Variants in C5orf52 observed in about 807,000 individuals in gnomAD.
The protein encoded by C5orf52 is uncharacterized protein C5orf52.
Under a neutral mutation model 16.8 loss-of-function variants are expected in C5orf52, and 15 were observed. The observed-to-expected ratio is 0.89, with a 90% CI of 0.60 to 1.38. The LOEUF (loss-of-function observed/expected upper bound fraction) is 1.38, where lower values mean the gene tolerates loss of function less well. C5orf52 is among the 40% of genes most tolerant of loss of function. The pLI, the probability that C5orf52 is intolerant of heterozygous loss-of-function variation, is 0.00. For missense variants in C5orf52, 206 were observed against 213.1 expected (o/e 0.97, Z 0.21); for synonymous variants, 83 against 87.2 (o/e 0.95, Z 0.27).
rs747898664 is a variant in C5orf52 at position 157,671,869 on chromosome 5, CGCGAG to C, written c.212+45_212+49del. On this transcript the variant is annotated intron_variant, in intron 1 of 2. Transcript: ENST00000409999. ...AGAGCGTTCGTCAGACCCTCGGACC[CGCGAG>C]GGAACCCTAACTCTTTGGGACTCGC... 32 of 1,303,198 alleles carry C rather than the reference CGCGAG, an allele frequency of 2.5e-5. No homozygotes were observed. The East Asian group carries it at 8.0e-4, about 33-fold the overall frequency. The allele number at this position is 1,303,198 out of a possible 1,614,324, so 80.7% of individuals were successfully genotyped here.
chr5:157,677,058 C>T (rs947533882), intron 2 of C5orf52, among the ~76,000 whole-genome samples: 13 of 151,948 alleles, frequency 8.6e-5, no homozygotes, highest in East Asian at 5.8e-4. Context: ...TTAATAGAAA[C>T]GGGGTTTCAC....
At chr5:157,671,170 A>G (rs965835470), upstream of C5orf52, among the ~76,000 whole-genome samples, 1 of 152,074 alleles carries the variant, frequency 6.6e-6, no homozygotes, top group Non-Finnish European at 1.5e-5. Context: ...TTCCATAGCA[A>G]TTGTCTCGTC....
chr5:157,671,448 A>T, upstream of C5orf52: 1 of 615,268 alleles, frequency 1.6e-6, no homozygotes, highest in South Asian at 2.1e-5. Context: ...ACGCATGTCC[A>T]ACAGCCCCCG....
At chr5:157,671,877 A>G (rs1759800486) in intron 1 of C5orf52, 51 bp downstream of exon 1, 9 of 1,252,350 alleles carry the variant, frequency 7.2e-6, no homozygotes, top group Non-Finnish European at 9.8e-6. Flanking sequence ...CCCGCGAGGG[A>G]ACCCTAACTC....
In C5orf52 at chr5:157,675,172, G is replaced by A. The variant is rs545174583; in HGVS notation, c.293G>A (p.Arg98His). ...TCTCGGGTGATTATTCATGATAACCGCATCACACAACGAATCTATGAGATG... is the reference window on the plus strand; with the variant it reads ...TCTCGGGTGATTATTCATGATAACCACATCACACAACGAATCTATGAGATG... ...HLSRVIIHDN[R>H]ITQRIYEMEV... The change falls in exon 2 of 3, where the codon CGC (arginine) becomes CAC (histidine). Residue 98 changes from arginine to histidine, a missense_variant. By Grantham distance (29) the Arg-to-His change is conservative (BLOSUM62 0). Coordinates refer to ENST00000409999, the MANE Select transcript of C5orf52 (RefSeq NM_001145132.2). 7.1e-6 allele frequency: 11 copies of A among 1,549,780 alleles called. 1 individual carries two copies. Among genetic ancestry groups the A allele is most frequent in the East Asian group, 2.4e-5 (1 of 40,916 alleles).
chr5:157,676,860 CCTTTTTTTTT>C (rs1157798947), intron 2 of C5orf52, among the ~76,000 whole-genome samples: 43 of 107,738 alleles, frequency 4.0e-4, no homozygotes, highest in African/African-American at 9.7e-4. Flanking sequence ...TTTTTAATTT[CCTTTTTTTTT>C]CTTTTTTTTT....
chr5:157,677,213 G>A (rs1454441378), intron 2 of C5orf52, among the ~76,000 whole-genome samples: 1 of 152,124 alleles, frequency 6.6e-6, no homozygotes, highest in Non-Finnish European at 1.5e-5. Flanking sequence ...CAGGGACACT[G>A]CTGAATATCC....
chr5:157,675,633 G>A (rs1759879092), intron 2 of C5orf52, among the ~76,000 whole-genome samples: 1 of 152,030 alleles, frequency 6.6e-6, no homozygotes, highest in Non-Finnish European at 1.5e-5. Context: ...GTGAAATCCT[G>A]TCTCTACTAA....
At chr5:157,677,016 G>A (rs1391035465) in intron 2 of C5orf52, among the ~76,000 whole-genome samples, 8 of 151,906 alleles carry the variant, frequency 5.3e-5, no homozygotes, top group African/African-American at 1.9e-4. Context: ...TTACAGGCAC[G>A]TGCCATCATG....
chr5:157,679,699 A>G (rs1759970414), intron 2 of C5orf52, 142 bp from the exon 3 acceptor site: 1 of 722,232 alleles, frequency 1.4e-6, no homozygotes, highest in South Asian at 2.2e-5. Flanking sequence ...CTGTGAGTCA[A>G]AGTATATGGA....
chr5:157,678,723 A>G (rs1432804398), intron 2 of C5orf52, among the ~76,000 whole-genome samples: 1 of 152,140 alleles, frequency 6.6e-6, no homozygotes, highest in Non-Finnish European at 1.5e-5. Flanking sequence ...GGCCCCCCAA[A>G]GTGCTGGGAT....
upstream of C5orf52, among the ~76,000 whole-genome samples, chr5:157,671,069 A>C (rs1451649747): frequency 6.6e-6 from 1 of 152,200 alleles, no homozygotes; most frequent in Non-Finnish European, 1.5e-5. Flanking sequence ...TTCAGGAAGC[A>C]GCCGCTCCGG....
upstream of C5orf52, chr5:157,671,492 G>A: frequency 1.3e-6 from 1 of 764,104 alleles, no homozygotes; most frequent in Non-Finnish European, 2.1e-6. Context: ...TGTCTCCCAG[G>A]CAACGCGCCG....
intron 2 of C5orf52, among the ~76,000 whole-genome samples, chr5:157,677,158 C>T (rs1213737474): frequency 1.3e-5 from 2 of 152,184 alleles, no homozygotes; most frequent in East Asian, 1.9e-4. Context: ...GCATGTTCCA[C>T]CATGCCCAGC....
rs370262157 is a variant in C5orf52 at position 157,680,145 on chromosome 5, C to T, written c.*146C>T. The T allele has an allele frequency of 1.9e-4, 139 of 735,324 alleles. 7 individuals are homozygous for T. The highest frequency in any genetic ancestry group is 1.7e-3 in the South Asian group (83 of 48,744). 45.5% of individuals were successfully genotyped at this position (735,324 alleles called of 1,614,324 possible). On this transcript the variant is annotated 3_prime_UTR_variant, in exon 3 of 3. Transcript: ENST00000409999. ...ACAATAAACAGAAACCAGCAGACAG[C>T]GGAGCATAATAAATCCTCAGCAATC...
intron 2 of C5orf52, among the ~76,000 whole-genome samples, chr5:157,676,871 C>CTTTT (rs35620575): frequency 0.013 from 1,255 of 97,100 alleles, 17 homozygotes; most frequent in Non-Finnish European, 0.019. Context: ...CTTTTTTTTT[C>CTTTT]TTTTTTTTTT....
intron 2 of C5orf52, among the ~76,000 whole-genome samples, chr5:157,677,473 C>T (rs1189321523): frequency 5.3e-5 from 8 of 151,600 alleles, no homozygotes; most frequent in African/African-American, 4.8e-5. Context: ...CTGACCAACA[C>T]GGAGAAACCC....
upstream of C5orf52, chr5:157,671,370 C>G (rs1327255055): frequency 8.3e-5 from 44 of 531,718 alleles, no homozygotes; most frequent in East Asian, 1.4e-3. Context: ...TTCACAGCAA[C>G]GCGCCGGGTC....
At position 157,678,300 on chromosome 5, in the gene C5orf52, G is replaced by T. The variant is rs141234211; in HGVS notation, c.322-1541G>T. Among the ~76,000 whole-genome samples the T allele has an allele frequency of 5.3e-5, 8 of 152,222 alleles. No homozygotes were observed. In the East Asian group the frequency reaches 1.5e-3, roughly 29 times the overall value. On this transcript the variant is annotated intron_variant, in intron 2 of 2. Transcript: ENST00000409999. ...AGTCCTTTGCTTAACCTTGTGCTAG[G>T]TCTTCAGATAATGTTAGTGCTTATC...
Sources: allele counts gnomAD v4.1 joint callset (sites outside exome capture counted in the v4.1 genomes callset), GRCh38; gene constraint gnomAD v4.1.1; transcripts MANE v1.5; gene names NCBI Gene and HGNC (gene_info 2026-07-23, HGNC 2026-07-21).